The following ACO2 variants were observed in gnomAD, a reference collection of about 807,000 sequenced individuals.
ACO2 encodes aconitase 2, also known as aconitate hydratase, mitochondrial.
Under a neutral mutation model 84.5 loss-of-function variants are expected in ACO2, and 31 were observed. The observed-to-expected ratio is 0.37, with a 90% CI of 0.28 to 0.50. ACO2 has a LOEUF of 0.50. ACO2 is among the 20% of genes least tolerant of loss of function. ACO2 has a pLI of 0.97. For missense variants in ACO2, 685 were observed against 1,029.3 expected (o/e 0.67, Z 4.58); for synonymous variants, 414 against 412.7 (o/e 1.00, Z -0.04).
chr22:41,509,743 C>T (rs780158987), intron 3 of ACO2, among the ~76,000 whole-genome samples: 6 of 149,568 alleles, frequency 4.0e-5, no homozygotes, highest in African/African-American at 7.4e-5. Flanking sequence ...GCCAGGAACG[C>T]GAGGGCTGTG....
chr22:41,511,705 C>T (rs1457554038), intron 3 of ACO2, among the ~76,000 whole-genome samples, 171 bp from the exon 4 acceptor site: 13 of 152,220 alleles, frequency 8.5e-5, no homozygotes, highest in Admixed American at 8.5e-4. Flanking sequence ...GAGACTGGGC[C>T]AACATCCAAG....
chr22:41,526,816 G>A, intron 15 of ACO2: 1 of 306,628 alleles, frequency 3.3e-6, no homozygotes, highest in Non-Finnish European at 6.1e-6. Context: ...GAGGTGATTG[G>A]ACTTTTTCTG....
intron 1 of ACO2, among the ~76,000 whole-genome samples, chr22:41,482,474 A>G (rs2038100418): frequency 6.6e-6 from 1 of 152,338 alleles, no homozygotes; most frequent in African/African-American, 2.4e-5. Flanking sequence ...GATGTGTGGG[A>G]GGTGATAGTT....
Position 41,528,450 on chromosome 22 carries a change from T to C in ACO2, c.2209-29T>C, listed in dbSNP as rs190864956. ...GCCAAGGGCACACAGTACCCACCAC[T>C]TCCACCCACACCCACCTTCTCCTTG... is the stretch of plus-strand genomic sequence containing the variant. On this transcript the variant is annotated intron_variant, in intron 17 of 17. Transcript: ENST00000216254. 3.0e-4 allele frequency: 487 copies of C among 1,609,546 alleles called. 4 individuals carry two copies. The African/African-American group carries it at 5.2e-3, about 17-fold the overall frequency.
rs547089034 is a variant in ACO2 at position 41,512,872 on chromosome 22, C to T, written c.525+904C>T. 3.3e-4 allele frequency among the ~76,000 whole-genome samples: 51 copies of T among 152,310 alleles called. No homozygotes were observed. In the South Asian group the frequency reaches 0.01, roughly 30 times the overall value. ...TAGTTTGTGTCCATTTACATCCACC[C>T]TGTATGTATGAAACCTGCCTCTTCG... On this transcript the variant is annotated intron_variant, in intron 4 of 17. Coordinates refer to ENST00000216254, the MANE Select transcript of ACO2 (RefSeq NM_001098.3).
chr22:41,517,994 A>C (rs2146127841), intron 7 of ACO2, among the ~76,000 whole-genome samples: 1 of 152,306 alleles, frequency 6.6e-6, no homozygotes, highest in South Asian at 2.1e-4. Flanking sequence ...CTGACCTAGC[A>C]GGGGAACATT....
In ACO2 at chr22:41,528,942, T is replaced by C. The variant is rs1286916638; in HGVS notation, c.*329T>C. ...GGCTGAAGGATTCTAGAGAACCTTTTGTTCTTGCAAGGAAAACAAGAATCC... is the reference window on the plus strand; with the variant it reads ...GGCTGAAGGATTCTAGAGAACCTTTCGTTCTTGCAAGGAAAACAAGAATCC... On this transcript the variant is annotated 3_prime_UTR_variant, in exon 18 of 18. Coordinates refer to ENST00000216254, the MANE Select transcript of ACO2 (RefSeq NM_001098.3). 1.6e-5 allele frequency: 8 copies of C among 512,936 alleles called. No homozygotes were observed. The highest frequency in any genetic ancestry group is 2.8e-5 in the Non-Finnish European group (8 of 290,420). 31.8% of individuals were successfully genotyped at this position (512,936 alleles called of 1,614,324 possible). A position where few individuals can be genotyped will look rare whatever the true frequency, so the allele number is the denominator to read the frequency against.
chr22:41,514,337 CAATA>C (rs769950372), intron 4 of ACO2, among the ~76,000 whole-genome samples: 2 of 152,204 alleles, frequency 1.3e-5, no homozygotes, highest in South Asian at 4.1e-4. Context: ...TGCTGCAAAA[CAATA>C]AATAAAAATG....
In ACO2 at chr22:41,528,624, TCCCCG is replaced by T. The variant is rs1023468631; in HGVS notation, c.*19_*23del. 13 of 1,526,634 alleles carry T rather than the reference TCCCCG, an allele frequency of 8.5e-6. No homozygotes were observed. In the East Asian group the frequency reaches 1.9e-4, roughly 22 times the overall value. The allele number at this position is 1,526,634 out of a possible 1,614,324, so 94.6% of individuals were successfully genotyped here. ...GAACTGCAACAGTGAGGGCAGTGCC[TCCCCG>T]CCCCGCCGCTGGCGTCAAGTTCAGC... On this transcript the variant is annotated 3_prime_UTR_variant, in exon 18 of 18. Transcript: ENST00000216254.
intron 1 of ACO2, among the ~76,000 whole-genome samples, chr22:41,470,568 A>C (rs559848887): frequency 4.6e-5 from 5 of 107,928 alleles, no homozygotes; most frequent in African/African-American, 1.8e-4. Flanking sequence ...TTTTTGAGAC[A>C]GTCTTGCTCT....
chr22:41,481,063 C>T (rs543550878), intron 1 of ACO2, among the ~76,000 whole-genome samples: 70 of 152,128 alleles, frequency 4.6e-4, no homozygotes, highest in Non-Finnish European at 7.9e-4. Flanking sequence ...CCACCTGTCT[C>T]GGCTTCCTAA....
chr22:41,489,046 CT>C (rs964439438), intron 1 of ACO2, among the ~76,000 whole-genome samples: 44 of 148,308 alleles, frequency 3.0e-4, no homozygotes, highest in Non-Finnish European at 3.5e-4. Context: ...TCCTCCTCCC[CT>C]TTTTTTTTTG....
Position 41,515,285 on chromosome 22 carries a change from G to A in ACO2, c.526-92G>A. 2 of 1,455,022 alleles carry A rather than the reference G, an allele frequency of 1.4e-6. No individual in the cohort carries two copies. Among genetic ancestry groups the A allele is most frequent in the Admixed American group, 1.7e-5 (1 of 59,326 alleles). 90.1% of individuals were successfully genotyped at this position (1,455,022 alleles called of 1,614,324 possible). ...CCAGTTCCATCCTGGGAGAGTGGCT[G>A]GACGTGGTTGGGAGGCCCCGGGTCA... On this transcript the variant is annotated intron_variant, in intron 4 of 17. Coordinates refer to ENST00000216254, the MANE Select transcript of ACO2 (RefSeq NM_001098.3). The surrounding 1 kb of genome is among the most constrained non-coding windows in gnomAD (Gnocchi z 5.8).
intron 2 of ACO2, 79 bp from the exon 3 acceptor site, chr22:41,507,712 A>G (rs915177221): frequency 1.8e-4 from 273 of 1,546,200 alleles, no homozygotes; most frequent in Non-Finnish European, 2.2e-4. Context: ...AGGTTGCCAC[A>G]TGGACTGAGA....
intron 15 of ACO2, chr22:41,526,671 G>T: frequency 3.9e-6 from 2 of 518,360 alleles, no homozygotes; most frequent in Non-Finnish European, 6.8e-6. Context: ...TGCACCAGGA[G>T]GAGTTAGTGA....
chr22:41,525,554 A>C (rs928097808), intron 14 of ACO2, among the ~76,000 whole-genome samples: 4 of 152,340 alleles, frequency 2.6e-5, no homozygotes, highest in African/African-American at 9.6e-5. Flanking sequence ...GGGCAGAGCT[A>C]GATCTGGCCA....
intron 7 of ACO2, 143 bp from the exon 8 acceptor site, chr22:41,518,338 G>A: frequency 1.5e-6 from 1 of 661,576 alleles, no homozygotes; most frequent in Non-Finnish European, 2.7e-6. Context: ...TAAGGGCAGA[G>A]ACAGCAGCCT....
At chr22:41,500,629 C>T (rs973089214) in intron 2 of ACO2, among the ~76,000 whole-genome samples, 10 of 152,000 alleles carry the variant, frequency 6.6e-5, no homozygotes, top group African/African-American at 2.2e-4. Context: ...AAGCAATCAG[C>T]TTGCCTCGGC....
chr22:41,518,675 TGTAATCCCAGCAC>T, intron 8 of ACO2, 103 bp downstream of exon 8: 3 of 915,752 alleles, frequency 3.3e-6, no homozygotes, highest in Non-Finnish European at 5.3e-6. Context: ...GGCTCACAGC[TGTAATCCCAGCAC>T]TTTGGGAGGC....
Sources: allele counts gnomAD v4.1 joint callset (sites outside exome capture counted in the v4.1 genomes callset), GRCh38; gene constraint gnomAD v4.1.1; non-coding constraint Gnocchi (gnomAD v3.1); transcripts MANE v1.5; gene names NCBI Gene and HGNC (gene_info 2026-07-23, HGNC 2026-07-21).